The following NPHS1 variants were observed in gnomAD, a reference collection of about 807,000 sequenced individuals.
NPHS1 encodes NPHS1 adhesion molecule, nephrin.
A neutral mutation model predicts 139.7 loss-of-function variants in NPHS1; 107 were observed. The ratio of observed to expected loss-of-function variants is 0.77; its 90% CI spans 0.66 to 0.90. The LOEUF (loss-of-function observed/expected upper bound fraction) is 0.90. Among genes scored for constraint, NPHS1 ranks in the 40% least tolerant of loss-of-function variants. NPHS1 has a pLI of 0.00. For synonymous variants in NPHS1, 707 were observed against 706.6 expected (o/e 1.00, Z -0.01); for missense variants, 1,580 against 1,654.2 (o/e 0.96, Z 0.78).
chr19:35,848,451 C>T, intron 9 of NPHS1, 54 bp from the exon 10 acceptor site: 1 of 1,612,854 alleles, frequency 6.2e-7, no homozygotes, highest in South Asian at 1.1e-5. Context: ...ATCCATCGTG[C>T]TAGAGGCCTG....
chr19:35,832,699 C>T (rs1363547917), intron 23 of NPHS1, among the ~76,000 whole-genome samples: 3 of 151,592 alleles, frequency 2.0e-5, no homozygotes, highest in South Asian at 2.1e-4. Context: ...CCAGCCTGGC[C>T]GATATGGTAA....
At chr19:35,850,847 C>T in intron 4 of NPHS1, 114 bp downstream of exon 4, 1 of 1,379,598 alleles carries the variant, frequency 7.2e-7, no homozygotes, top group Non-Finnish European at 1.0e-6. Flanking sequence ...GGGTCCCCAT[C>T]CCAGGGATGA....
At position 35,851,568 on chromosome 19, in the gene NPHS1, C is replaced by G. The variant is rs768382806; in HGVS notation, c.163G>C (p.Val55Leu). The G allele has an allele frequency of 1.7e-5, 27 of 1,613,854 alleles. No individual in the cohort carries two copies. Among genetic ancestry groups the G allele is most frequent in the Non-Finnish European group, 1.9e-5 (23 of 1,179,976 alleles). Residue 55 changes from valine to leucine, a missense_variant, in exon 2 of 29, where the codon GTC becomes CTC. Physicochemically the swap from Val to Leu is conservative, Grantham distance 32 (BLOSUM62 1). Coordinates refer to ENST00000378910, the MANE Select transcript of NPHS1 (RefSeq NM_004646.4). The part of the protein sequence containing the change: ...EGASVELRCG[V>L]STPGSAVQWA... ...TGCACCGCACTGCCAGGGGTGCTGA[C>G]CCCACAACGCAGCTCCACTGAGGCC...
intron 9 of NPHS1, 38 bp downstream of exon 9, chr19:35,848,599 C>A (rs778941784): frequency 1.9e-6 from 3 of 1,611,680 alleles, no homozygotes; most frequent in Non-Finnish European, 2.5e-6. Flanking sequence ...CCTCAGCCCC[C>A]TCCATGCTCA....
At position 35,842,113 on chromosome 19, in the gene NPHS1, C is replaced by CTTGG; in HGVS notation, c.2663+7_2663+10dup. 1 of 1,600,028 alleles carries CTTGG rather than the reference C, an allele frequency of 6.2e-7. No individual in the cohort carries two copies. The highest frequency in any genetic ancestry group is 8.5e-7 in the Non-Finnish European group (1 of 1,174,332). ...GGGGCTGGAGTGCTGCCTGGCTGGG[C>CTTGG]TTGGGCTCACCTGGGATCTTGGAGA... On this transcript the variant is annotated intron_variant, in intron 19 of 28. Coordinates refer to ENST00000378910, the MANE Select transcript of NPHS1 (RefSeq NM_004646.4).
chr19:35,832,886 C>CAAA (rs748346116), intron 23 of NPHS1, among the ~76,000 whole-genome samples: 11 of 45,406 alleles, frequency 2.4e-4, no homozygotes, highest in South Asian at 9.8e-4. Context: ...GACCCTGTCT[C>CAAA]AAAAAAAAAA....
intron 5 of NPHS1, among the ~76,000 whole-genome samples, chr19:35,849,974 G>A (rs899621078): frequency 3.3e-5 from 5 of 152,134 alleles, no homozygotes; most frequent in African/African-American, 1.2e-4. Context: ...GGAGTGCAGT[G>A]GTACAATCTC....
chr19:35,849,204 C>T (rs566507562), intron 7 of NPHS1, 32 bp downstream of exon 7: 3 of 1,613,548 alleles, frequency 1.9e-6, no homozygotes, highest in Non-Finnish European at 2.5e-6. Flanking sequence ...CCCCACTGTC[C>T]CCCCATTCCC....
intron 28 of NPHS1, among the ~76,000 whole-genome samples, chr19:35,827,965 C>T (rs190648336): frequency 2.0e-3 from 308 of 152,158 alleles, no homozygotes; most frequent in African/African-American, 7.0e-3. Context: ...CTTTAAAAGT[C>T]CATGTTATCA....
In NPHS1 at chr19:35,849,087, C is replaced by T. The variant is rs1973188843; in HGVS notation, c.901G>A (p.Val301Met). 6.2e-7 allele frequency: 1 copy of T among 1,609,980 alleles called. No homozygotes were observed. The highest frequency in any genetic ancestry group is 1.3e-5 in the African/African-American group (1 of 75,060). Residue 301 changes from valine to methionine, a missense_variant, in exon 8 of 29, where the codon GTG (valine) becomes ATG (methionine). Coordinates refer to ENST00000378910, the MANE Select transcript of NPHS1 (RefSeq NM_004646.4). Reference protein sequence around the residue: ...TEHTQAVARSVLVMTVRPEDH... With the variant: ...TEHTQAVARSMLVMTVRPEDH... ...TCTGGCCTCACGGTCATCACCAGCA[C>T]ACTGCGGGCCACCGCCTGGGTGTGC...
rs1477241870 is a variant in NPHS1, at chr19:35,845,966, C to T, written c.1627+42G>A. 3.9e-6 allele frequency: 6 copies of T among 1,535,964 alleles called. No homozygotes were observed. The East Asian group carries it at 1.5e-4, about 38-fold the overall frequency. ...GGTCCCTGCCCCACCTGGCTCTGTCCCTCCCGCCCCGCCCCCGGGCCTCAG... is the reference window on the plus strand; with the variant it reads ...GGTCCCTGCCCCACCTGGCTCTGTCTCTCCCGCCCCGCCCCCGGGCCTCAG... On this transcript the variant is annotated intron_variant, in intron 12 of 28. Transcript: ENST00000378910. This position sits in a 1 kb window ranked among gnomAD's most constrained non-coding sequence, Gnocchi z 5.5.
chr19:35,838,721 C>T (rs146495472), intron 22 of NPHS1, among the ~76,000 whole-genome samples: 17 of 152,140 alleles, frequency 1.1e-4, no homozygotes, highest in Admixed American at 5.2e-4. Context: ...GTGGCACATG[C>T]CTGTAATCCC....
intron 23 of NPHS1, among the ~76,000 whole-genome samples, chr19:35,835,293 CTTTTTTTTTTTTTTT>C (rs34868479): frequency 2.6e-5 from 1 of 38,094 alleles, no homozygotes; most frequent in Non-Finnish European, 5.0e-5. Flanking sequence ...AGAACTAAGT[CTTTTTTTTTTTTTTT>C]TTTTTTTTTG....
intron 22 of NPHS1, among the ~76,000 whole-genome samples, chr19:35,837,938 TAAAAA>T (rs1200757977): frequency 4.0e-5 from 4 of 99,420 alleles, no homozygotes; most frequent in African/African-American, 1.6e-4. Context: ...GTTATTCTCT[TAAAAA>T]AAAAAAAAAA....
At position 35,826,647 on chromosome 19, in the gene NPHS1, T is replaced by C. The variant is rs386833940; in HGVS notation, c.3595-2A>G. On this transcript the variant is annotated splice_acceptor_variant, in intron 28 of 28. Coordinates refer to ENST00000378910, the MANE Select transcript of NPHS1 (RefSeq NM_004646.4). LOFTEE classifies it high-confidence loss of function. ...AGGCCAGTGGAGGTCCCAGGGTCCC[T>C]GACAGGCAAAAAGTGGAGTTAGAAC... 3 of 1,614,092 alleles carry C rather than the reference T, an allele frequency of 1.9e-6. No individual in the cohort carries two copies. The South Asian group carries it at 3.3e-5, about 18-fold the overall frequency.
chr19:35,842,105 T>A lies in NPHS1; in HGVS notation c.2663+19A>T. On this transcript the variant is annotated intron_variant, in intron 19 of 28. Coordinates refer to ENST00000378910, the MANE Select transcript of NPHS1 (RefSeq NM_004646.4). ...CCAGACCTGGGGCTGGAGTGCTGCC[T>A]GGCTGGGCTTGGGCTCACCTGGGAT... 6.3e-7 allele frequency: 1 copy of A among 1,597,820 alleles called. No homozygotes were observed. Among genetic ancestry groups the A allele is most frequent in the Non-Finnish European group, 8.5e-7 (1 of 1,173,214 alleles).
chr19:35,844,374 A>G lies in NPHS1; in HGVS notation c.2016T>C (p.Ala672=). The stretch of plus-strand genomic sequence containing the variant: ...AGTTGAAGGCCTCGGGGGCGGGGTT[A>G]GCGGACACGGACACGGGCAGCAACG... The part of the protein sequence containing the change: ...GEALLPVSVS[A]NPAPEAFNWT... The change falls in exon 15 of 29, where the codon GCT becomes GCC. Residue 672 remains alanine (A), a synonymous_variant. Transcript: ENST00000378910. The G allele has an allele frequency of 6.2e-7, 1 of 1,613,378 alleles. No individual in the cohort carries two copies. The highest frequency in any genetic ancestry group is 2.2e-5 in the East Asian group (1 of 44,858).
chr19:35,842,098 T>G (rs910702360), intron 19 of NPHS1, 26 bp downstream of exon 19: 2 of 1,594,486 alleles, frequency 1.3e-6, no homozygotes, highest in South Asian at 1.1e-5. Flanking sequence ...GGGGCTGGAG[T>G]GCTGCCTGGC....
At chr19:35,829,321 C>T (rs1301827977) in intron 28 of NPHS1, among the ~76,000 whole-genome samples, 1 of 152,192 alleles carries the variant, frequency 6.6e-6, no homozygotes, top group Non-Finnish European at 1.5e-5. Context: ...AACAGGTATA[C>T]TCTTTCTTTG....
Sources: gnomAD v4.1 joint callset for allele counts (sites outside exome capture counted in the v4.1 genomes callset) on GRCh38, gnomAD v4.1.1 for gene constraint, Gnocchi (gnomAD v3.1) non-coding constraint, MANE v1.5 for transcripts, NCBI Gene and HGNC (gene_info 2026-07-23, HGNC 2026-07-21) for gene names.